Variants in UBQLN1 observed in about 807,000 individuals in gnomAD.
The protein encoded by UBQLN1 is ubiquilin 1, also known as ubiquilin-1.
Under a neutral mutation model 65.4 loss-of-function variants are expected in UBQLN1, and 13 were observed. The observed-to-expected ratio is 0.20, with a 90% CI of 0.13 to 0.32. UBQLN1 has a LOEUF of 0.32. Ranked by LOEUF, UBQLN1 falls within the 10% of genes least tolerant of loss-of-function variation. The pLI is 1.00. For missense variants in UBQLN1, 561 were observed against 724.0 expected, an observed-to-expected ratio of 0.77 and a Z score of 2.58; for synonymous variants, 267 against 247.8, an observed-to-expected ratio of 1.08 and a Z score of -0.73.
chr9:83,675,456 T>G (rs1020458454), intron 6 of UBQLN1, among the ~76,000 whole-genome samples: 1 of 145,636 alleles, frequency 6.9e-6, no homozygotes, highest in African/African-American at 2.6e-5. Flanking sequence ...CTTTACAGAC[T>G]TCCTATGCCG....
chr9:83,686,929 A>G (rs1369914877), intron 1 of UBQLN1, among the ~76,000 whole-genome samples: 8 of 152,310 alleles, frequency 5.3e-5, no homozygotes, highest in African/African-American at 9.6e-5. Context: ...AAAAAAAGAA[A>G]AAAAAATCTG....
intron 10 of UBQLN1, among the ~76,000 whole-genome samples, chr9:83,662,283 C>T (rs868633420): frequency 4.3e-4 from 56 of 130,774 alleles, no homozygotes; most frequent in Middle Eastern, 7.6e-3. Context: ...TACACACACA[C>T]ACACACACAC....
intron 1 of UBQLN1, among the ~76,000 whole-genome samples, chr9:83,687,999 G>C (rs1026004463): frequency 6.6e-6 from 1 of 152,060 alleles, no homozygotes; most frequent in Non-Finnish European, 1.5e-5. Context: ...AATCTTCACA[G>C]AACACCATTT....
intron 1 of UBQLN1, among the ~76,000 whole-genome samples, chr9:83,697,800 G>A (rs1024254839): frequency 1.1e-4 from 15 of 136,848 alleles, no homozygotes; most frequent in African/African-American, 2.5e-4. Flanking sequence ...GCGATGGCAC[G>A]ATTCAGCTCA....
chr9:83,698,709 T>G (rs946188929), intron 1 of UBQLN1, among the ~76,000 whole-genome samples: 11 of 150,932 alleles, frequency 7.3e-5, no homozygotes, highest in African/African-American at 2.7e-4. Context: ...AGCTCAGGAG[T>G]TTGAGACCAA....
chr9:83,683,414 C>CAAAAAAAA (rs766459859), intron 2 of UBQLN1, among the ~76,000 whole-genome samples: 3 of 70,942 alleles, frequency 4.2e-5, no homozygotes, highest in Non-Finnish European at 2.6e-5. Context: ...GACTCCGTCT[C>CAAAAAAAA]AAAAAAAAAA....
At chr9:83,688,278 A>C (rs1164417333) in intron 1 of UBQLN1, among the ~76,000 whole-genome samples, 2 of 152,194 alleles carry the variant, frequency 1.3e-5, no homozygotes, top group Non-Finnish European at 2.9e-5. Flanking sequence ...CAGACACAGA[A>C]AAAGAGGTTA....
chr9:83,702,057 C>T (rs560589831), intron 1 of UBQLN1, among the ~76,000 whole-genome samples: 26 of 152,244 alleles, frequency 1.7e-4, no homozygotes, highest in African/African-American at 5.8e-4. Flanking sequence ...GAAAGCCAAT[C>T]ACAAAAGACC....
chr9:83,666,158 A>G (rs1198007685), intron 8 of UBQLN1, among the ~76,000 whole-genome samples, 192 bp downstream of exon 8: 1 of 152,232 alleles, frequency 6.6e-6, no homozygotes, highest in African/African-American at 2.4e-5. Flanking sequence ...TATGTTTAAG[A>G]AACATAAGCA....
chr9:83,688,742 T>C (rs1215383874), intron 1 of UBQLN1, among the ~76,000 whole-genome samples: 2 of 151,862 alleles, frequency 1.3e-5, no homozygotes, highest in East Asian at 1.9e-4. Context: ...ATGTCTGTAA[T>C]CCCAGCTACT....
chr9:83,679,001 G>A (rs530887360), intron 4 of UBQLN1, among the ~76,000 whole-genome samples: 87 of 152,258 alleles, frequency 5.7e-4, no homozygotes, highest in African/African-American at 2.0e-3. Flanking sequence ...GATTACAAGC[G>A]TGAGCCACCG....
chr9:83,686,824 A>T (rs1267119250), intron 1 of UBQLN1, among the ~76,000 whole-genome samples: 2 of 152,142 alleles, frequency 1.3e-5, no homozygotes, highest in Non-Finnish European at 2.9e-5. Context: ...ACTCAAAGGA[A>T]ATGCTCATTG....
intron 10 of UBQLN1, among the ~76,000 whole-genome samples, 163 bp from the exon 11 acceptor site, chr9:83,662,102 A>T (rs60734573): frequency 0.039 from 5,981 of 152,274 alleles, 399 homozygotes; most frequent in African/African-American, 0.14. Context: ...TTAAAAGTCC[A>T]TTAGCAGTTT....
Position 83,677,787 on chromosome 9 carries a change from T to C in UBQLN1, c.1045A>G (p.Thr349Ala). The change falls in exon 6 of 11, where the codon ACT becomes GCT. Residue 349 changes from threonine to alanine, a missense_variant. Physicochemically the swap from Thr to Ala is moderately conservative, Grantham distance 58. Transcript: ENST00000376395. ...ASTVGGTTGS[T>A]ASGTSGQSTT... ...CTCTGCCCAGAAGTGCCACTGGCAGTACTACCAGTAGTGCCACCCACAGTG... is the reference window on the plus strand; with the variant it reads ...CTCTGCCCAGAAGTGCCACTGGCAGCACTACCAGTAGTGCCACCCACAGTG... The C allele has an allele frequency of 1.2e-6, 2 of 1,614,182 alleles. No individual in the cohort carries two copies. The highest frequency in any genetic ancestry group is 1.7e-6 in the Non-Finnish European group (2 of 1,180,024).
intron 1 of UBQLN1, among the ~76,000 whole-genome samples, chr9:83,687,334 C>T (rs1379593800): frequency 6.6e-6 from 1 of 152,244 alleles, no homozygotes; most frequent in African/African-American, 2.4e-5. Flanking sequence ...ATTCTCAGAT[C>T]TTTACCAAAA....
intron 7 of UBQLN1, chr9:83,668,614 T>C (rs1206803111): frequency 1.0e-6 from 1 of 985,386 alleles, no homozygotes; most frequent in East Asian, 1.1e-4. Context: ...AGATCCCCAA[T>C]TTTCTTAGCT....
intron 6 of UBQLN1, among the ~76,000 whole-genome samples, chr9:83,676,177 A>C (rs145661694): frequency 7.9e-5 from 12 of 152,368 alleles, no homozygotes; most frequent in African/African-American, 1.7e-4. Flanking sequence ...CAAATGTCAC[A>C]GTTGAGTAAG....
chr9:83,690,756 A>AC, intron 1 of UBQLN1, among the ~76,000 whole-genome samples: 1 of 150,552 alleles, frequency 6.6e-6, no homozygotes, highest in African/African-American at 2.4e-5. Context: ...AAAAAAAAAA[A>AC]CAAGAACAGA....
At chr9:83,685,077 A>G (rs1832017566) in intron 2 of UBQLN1, among the ~76,000 whole-genome samples, 1 of 152,182 alleles carries the variant, frequency 6.6e-6, no homozygotes, top group Non-Finnish European at 1.5e-5. Flanking sequence ...TACCACATTA[A>G]GTGTCTTCAA....
Sources: allele counts gnomAD v4.1 joint callset (sites outside exome capture counted in the v4.1 genomes callset), GRCh38; gene constraint gnomAD v4.1.1; transcripts MANE v1.5; gene names NCBI Gene and HGNC (gene_info 2026-07-23, HGNC 2026-07-21).